The following C11orf68 variants were observed in gnomAD, a reference collection of about 807,000 sequenced individuals.
The protein encoded by C11orf68 is UPF0696 protein C11orf68.
In C11orf68, 3 loss-of-function variants were observed where a neutral mutation model predicts 4.7. That is an observed-to-expected ratio of 0.64 (90% CI 0.29 to 1.66). The LOEUF is 1.66. Among genes scored for constraint, C11orf68 ranks in the 40% most tolerant of loss-of-function variants. The pLI is 0.10. For synonymous variants in C11orf68, 186 were observed against 167.8 expected, an observed-to-expected ratio of 1.11 and a Z score of -0.84; for missense variants, 422 against 408.0, an observed-to-expected ratio of 1.03 and a Z score of -0.30.
At chr11:65,918,884 C>T in intron 1 of C11orf68, 26 bp downstream of exon 1, 1 of 1,244,718 alleles carries the variant, frequency 8.0e-7, no homozygotes, top group South Asian at 1.8e-5. Context: ...CGGCCCTGCC[C>T]TGCCCCTCCC....
In C11orf68 at chr11:65,918,108, G is replaced by A. The variant is rs191917397; in HGVS notation, c.233C>T (p.Pro78Leu). The A allele has an allele frequency of 4.3e-6, 7 of 1,609,292 alleles. No homozygotes were observed. The highest frequency in any genetic ancestry group is 2.7e-5 in the African/African-American group (2 of 74,986). Residue 78 changes from proline to leucine, a missense_variant, in exon 2 of 2, where the codon CCC becomes CTC. Pro to Leu is a moderately conservative substitution (Grantham distance 98). Coordinates refer to ENST00000438576, the MANE Select transcript of C11orf68 (RefSeq NM_001135635.2). ...AAEAMAADMD[P>L]WLVFDARTTP... is the part of the protein sequence containing the mutation. ...TGTGCGGGCATCAAACACTAGCCAG[G>A]GGTCCATGTCAGCTGCCATGGCCTC...
In C11orf68 at chr11:65,917,574, T is replaced by C. The variant is rs769316860; in HGVS notation, c.767A>G (p.Tyr256Cys). The C allele has an allele frequency of 1.2e-6, 2 of 1,614,016 alleles. No individual in the cohort carries two copies. The highest frequency in any genetic ancestry group is 1.7e-5 in the Admixed American group (1 of 60,012). Residue 256 changes from tyrosine (Y) to cysteine (C), a missense_variant, in exon 2 of 2, where the codon TAC (tyrosine) becomes TGC (cysteine). Physicochemically the swap from Tyr to Cys is radical, Grantham distance 194. Coordinates refer to ENST00000438576, the MANE Select transcript of C11orf68 (RefSeq NM_001135635.2). ...KPDVYTYLGI[Y>C]RANRWHLCPT... ...GCAGAGGTGCCAGCGATTGGCCCGG[T>C]AGATGCCCAGGTAGGTGTAGACATC... is the stretch of plus-strand genomic sequence containing the variant.
Position 65,917,419 on chromosome 11 carries a change from C to A in C11orf68, c.*40G>T, listed in dbSNP as rs1174567476. On this transcript the variant is annotated 3_prime_UTR_variant, in exon 2 of 2. Transcript: ENST00000438576. ...GGAAGACAGGAGGATCCAACCCCAG[C>A]ATGGAGGGGGGAGTGGGCAGTCTCC... is the stretch of plus-strand genomic sequence containing the variant. 1.3e-6 allele frequency: 2 copies of A among 1,564,920 alleles called. No homozygotes were observed. The highest frequency in any genetic ancestry group is 1.7e-6 in the Non-Finnish European group (2 of 1,154,420).
chr11:65,918,471 A>G (rs950160201), intron 1 of C11orf68: 14 of 436,658 alleles, frequency 3.2e-5, no homozygotes, highest in Non-Finnish European at 4.7e-5. Context: ...TGAGGCTGAG[A>G]AAAAGGACTT....
rs1490939241 is a variant in C11orf68, at chr11:65,918,116, G to A, written c.225C>T (p.Asp75=). The A allele has an allele frequency of 1.2e-6, 2 of 1,607,112 alleles. No homozygotes were observed. The highest frequency in any genetic ancestry group is 1.7e-6 in the Non-Finnish European group (2 of 1,176,532). ...EHLAAEAMAA[D]MDPWLVFDAR... ...CATCAAACACTAGCCAGGGGTCCAT[G>A]TCAGCTGCCATGGCCTCTGCAGCCA... The change falls in exon 2 of 2, where the codon GAC becomes GAT. Residue 75 remains aspartate (D), a synonymous_variant. Coordinates refer to ENST00000438576, the MANE Select transcript of C11orf68 (RefSeq NM_001135635.2).
chr11:65,917,829 C>T lies in C11orf68; in HGVS notation c.512G>A (p.Trp171Ter), dbSNP rs1432894643. The T allele has an allele frequency of 2.5e-6, 4 of 1,611,902 alleles. No individual in the cohort carries two copies. The African/African-American group carries it at 5.3e-5, about 22-fold the overall frequency. Residue 171 changes from tryptophan to a stop codon, truncating the protein, a stop_gained, in exon 2 of 2, where the codon TGG (tryptophan) becomes TAG (stop). Coordinates refer to ENST00000438576, the MANE Select transcript of C11orf68 (RefSeq NM_001135635.2). LOFTEE classifies it low-confidence loss of function (END_TRUNC). ...GAAGCCCGGTGCCAGATGCATAAGC[C>T]ACTTGCCCGAGAGCACGTGGTGGGT... ...AITHHVLSGKWLMHLAPGFKL... is the reference protein window; with the variant it reads ...AITHHVLSGK
In C11orf68 at chr11:65,917,485, G is replaced by C. The variant is rs1001663632; in HGVS notation, c.856C>G (p.Arg286Gly). The C allele has an allele frequency of 1.9e-6, 3 of 1,612,666 alleles. No homozygotes were observed. Among genetic ancestry groups the C allele is most frequent in the African/African-American group, 2.7e-5 (2 of 74,876 alleles). The change falls in exon 2 of 2, where the codon CGT (arginine) becomes GGT (glycine). Residue 286 changes from arginine to glycine, a missense_variant. Physicochemically the swap from Arg to Gly is moderately radical, Grantham distance 125. Coordinates refer to ENST00000438576, the MANE Select transcript of C11orf68 (RefSeq NM_001135635.2). ...TAGGTCAGTTCCACGTTGTTGGCAC[G>C]GTCAAGCACTCGGGAGCCACGGGCA... ...GSARGSRVLD[R>G]ANNVELT
At chr11:65,918,333 CT>C in intron 1 of C11orf68, 115 bp from the exon 2 acceptor site, 1 of 1,230,914 alleles carries the variant, frequency 8.1e-7, no homozygotes, top group Non-Finnish European at 1.1e-6. Context: ...GTTGCCTCAT[CT>C]TTACAATGGG....
Position 65,918,013 on chromosome 11 carries a change from G to T in C11orf68, c.328C>A (p.Pro110Thr). ...ACAGGCTCTGAGTTGGGTGAACCGG[G>T]GTCCCCATAGCGGGTAACTTGGGAT... ...PPSQVTRYGD[P>T]GSPNSEPVGW... Residue 110 changes from proline (P) to threonine (T), a missense_variant, in exon 2 of 2, where the codon CCC (proline) becomes ACC (threonine). Coordinates refer to ENST00000438576, the MANE Select transcript of C11orf68 (RefSeq NM_001135635.2). The T allele has an allele frequency of 6.2e-7, 1 of 1,606,498 alleles. No individual in the cohort carries two copies. Among genetic ancestry groups the T allele is most frequent in the South Asian group, 1.1e-5 (1 of 90,368 alleles).
Position 65,917,939 on chromosome 11 carries a change from G to T in C11orf68, c.402C>A (p.Asp134Glu). Residue 134 changes from aspartate to glutamate, a missense_variant, in exon 2 of 2, where the codon GAC (aspartate) becomes GAA (glutamate). By Grantham distance (45) the Asp-to-Glu change is conservative (BLOSUM62 2). Coordinates refer to ENST00000438576, the MANE Select transcript of C11orf68 (RefSeq NM_001135635.2). ...CCCAGGCTGCCTGCAGGCCCTGCAC[G>T]TCCCCGGAGTTGGGGCTGTAGCCCT... ...YGQGYSPNSG[D>E]VQGLQAAWEA... 6.2e-7 allele frequency: 1 copy of T among 1,607,688 alleles called. No individual in the cohort carries two copies.
chr11:65,917,592 T>C lies in C11orf68; in HGVS notation c.749A>G (p.Tyr250Cys). ...GGCCCGGTAGATGCCCAGGTAGGTGTAGACATCAGGCTTGTAGGTGAGCAG... is the reference window on the plus strand; with the variant it reads ...GGCCCGGTAGATGCCCAGGTAGGTGCAGACATCAGGCTTGTAGGTGAGCAG... ...KCLLTYKPDVYTYLGIYRANR... is the reference protein window; with the variant it reads ...KCLLTYKPDVCTYLGIYRANR... The change falls in exon 2 of 2, where the codon TAC (tyrosine) becomes TGC (cysteine). Residue 250 changes from tyrosine (Y) to cysteine (C), a missense_variant. By Grantham distance (194) the Tyr-to-Cys change is radical. Transcript: ENST00000438576. 6.2e-7 allele frequency: 1 copy of C among 1,614,030 alleles called. No homozygotes were observed. The highest frequency in any genetic ancestry group is 8.5e-7 in the Non-Finnish European group (1 of 1,179,990).
At position 65,917,111 on chromosome 11, in the gene C11orf68, G is replaced by A. The variant is rs556258415; in HGVS notation, c.*348C>T. 2.8e-5 allele frequency: 7 copies of A among 252,986 alleles called. No individual in the cohort carries two copies. Among genetic ancestry groups the A allele is most frequent in the Non-Finnish European group, 5.4e-5 (7 of 130,200 alleles). 15.7% of individuals were successfully genotyped at this position (252,986 alleles called of 1,614,324 possible). ...TCTCCTGAGGGGGAAGGAAAGAAGG[G>A]GAGATGCAGGAGGAAGGGGAGGTAT... On this transcript the variant is annotated 3_prime_UTR_variant, in exon 2 of 2. Coordinates refer to ENST00000438576, the MANE Select transcript of C11orf68 (RefSeq NM_001135635.2).
intron 1 of C11orf68, among the ~76,000 whole-genome samples, chr11:65,918,606 C>T (rs1854495216): frequency 6.6e-6 from 1 of 152,204 alleles, no homozygotes; most frequent in South Asian, 2.1e-4. Flanking sequence ...ATCCGGTGCG[C>T]TGGCATTTAA....
At chr11:65,918,575 G>A (rs1854494777) in intron 1 of C11orf68, among the ~76,000 whole-genome samples, 1 of 152,240 alleles carries the variant, frequency 6.6e-6, no homozygotes, top group African/African-American at 2.4e-5. Flanking sequence ...GCCCTGCCAA[G>A]GCCCCCTTTT....
chr11:65,918,305 T>C (rs1854489484), intron 1 of C11orf68, 87 bp from the exon 2 acceptor site: 1 of 1,384,104 alleles, frequency 7.2e-7, no homozygotes, highest in Middle Eastern at 1.9e-4. Context: ...GAGTAAGAGT[T>C]ACTGTCGATG....
intron 1 of C11orf68, 192 bp from the exon 2 acceptor site, chr11:65,918,410 G>A (rs1288569963): frequency 1.7e-6 from 1 of 600,228 alleles, no homozygotes; most frequent in Non-Finnish European, 2.6e-6. Flanking sequence ...CAGCGCTCCA[G>A]AAGGGTTGCT....
In C11orf68 at chr11:65,917,413, C is replaced by A. The variant is rs767499964; in HGVS notation, c.*46G>T. 2 of 1,561,446 alleles carry A rather than the reference C, an allele frequency of 1.3e-6. No individual in the cohort carries two copies. The highest frequency in any genetic ancestry group is 2.7e-5 in the African/African-American group (2 of 73,816). On this transcript the variant is annotated 3_prime_UTR_variant, in exon 2 of 2. Coordinates refer to ENST00000438576, the MANE Select transcript of C11orf68 (RefSeq NM_001135635.2). ...CAAGGAGGAAGACAGGAGGATCCAACCCCAGCATGGAGGGGGGAGTGGGCA... is the reference window on the plus strand; with the variant it reads ...CAAGGAGGAAGACAGGAGGATCCAAACCCAGCATGGAGGGGGGAGTGGGCA...
rs909467932 is a variant in C11orf68, at chr11:65,918,822, G to A, written c.122+88C>T. The A allele has an allele frequency of 1.3e-5, 14 of 1,067,506 alleles. No individual in the cohort carries two copies. In the African/African-American group the frequency reaches 1.7e-4, roughly 13 times the overall value. 66.1% of individuals were successfully genotyped at this position (1,067,506 alleles called of 1,614,324 possible). A position where few individuals can be genotyped will look rare whatever the true frequency, so the allele number is the denominator to read the frequency against. On this transcript the variant is annotated intron_variant, in intron 1 of 1. Transcript: ENST00000438576. ...CCTGCAGGAGAGCCAGGCTCCGGCC[G>A]TGCCGCGCCCGCCGCCATTAACGCC...
chr11:65,919,008 GGCCGCCGCC>G lies in C11orf68; in HGVS notation c.15_23del (p.Ala6_Ala8del), dbSNP rs748792467. 4.6e-5 allele frequency: 53 copies of G among 1,146,340 alleles called. No homozygotes were observed. Among genetic ancestry groups the G allele is most frequent in the East Asian group, 1.4e-4 (3 of 21,258 alleles). The allele number at this position is 1,146,340 out of a possible 1,614,324, so 71.0% of individuals were successfully genotyped here. A position where few individuals can be genotyped will look rare whatever the true frequency, so the allele number is the denominator to read the frequency against. ...CGCCACCGCGCCCCACCCCCGCCAC[GGCCGCCGCC>G]GCCGCCGCCGCCATCTTAGCGCCGC... On this transcript the variant is annotated inframe_deletion, in exon 1 of 2. Coordinates refer to ENST00000438576, the MANE Select transcript of C11orf68 (RefSeq NM_001135635.2).
Sources: gnomAD v4.1 joint callset for allele counts (sites outside exome capture counted in the v4.1 genomes callset) on GRCh38, gnomAD v4.1.1 for gene constraint, MANE v1.5 for transcripts, NCBI Gene and HGNC (gene_info 2026-07-23, HGNC 2026-07-21) for gene names.